GRID2: variants seen among roughly 807,000 people sequenced by gnomAD.
The protein encoded by GRID2 is glutamate ionotropic receptor delta type subunit 2.
A neutral mutation model predicts 114.8 loss-of-function variants in GRID2; 33 were observed. The observed-to-expected ratio is 0.29, with a 90% CI of 0.22 to 0.38. The LOEUF is 0.38. GRID2 is among the 10% of genes least tolerant of loss of function. The probability of loss-of-function intolerance (pLI) is 1.00; values close to 1 mark genes in which losing one functional copy is unlikely to be tolerated. For synonymous variants in GRID2, 505 were observed against 449.9 expected (o/e 1.12, Z -1.55); for missense variants, 1,184 against 1,257.7 (o/e 0.94, Z 0.89).
At chr4:92,790,587 G>C (rs1227567054) in intron 2 of GRID2, among the ~76,000 whole-genome samples, 1 of 151,286 alleles carries the variant, frequency 6.6e-6, no homozygotes, top group East Asian at 2.0e-4. Context: ...AGCTAATTTT[G>C]TTTATTTTTT....
At chr4:93,056,209 A>T (rs1376921860) in intron 2 of GRID2, among the ~76,000 whole-genome samples, 1 of 151,956 alleles carries the variant, frequency 6.6e-6, no homozygotes, top group Non-Finnish European at 1.5e-5. Context: ...AAAGAAACAT[A>T]TGTTCGAGTT....
At chr4:93,771,681 C>A (rs527262980) in intron 15 of GRID2, among the ~76,000 whole-genome samples, 2 of 151,990 alleles carry the variant, frequency 1.3e-5, no homozygotes, top group Non-Finnish European at 2.9e-5. Context: ...TGGAATGAGA[C>A]GCCCTGAAAA....
At chr4:93,574,030 T>C (rs1433023464) in intron 13 of GRID2, among the ~76,000 whole-genome samples, 1 of 152,172 alleles carries the variant, frequency 6.6e-6, no homozygotes, top group Non-Finnish European at 1.5e-5. Context: ...TAATCATTGA[T>C]AGAGGGTAGA....
chr4:92,850,508 A>G (rs1249330343), intron 2 of GRID2, among the ~76,000 whole-genome samples: 1 of 151,938 alleles, frequency 6.6e-6, no homozygotes, highest in Non-Finnish European at 1.5e-5. Context: ...TGCAGTGTTC[A>G]TACATAAACT....
At chr4:93,668,473 A>G (rs1724131893) in intron 14 of GRID2, among the ~76,000 whole-genome samples, 1 of 151,868 alleles carries the variant, frequency 6.6e-6, no homozygotes, top group Non-Finnish European at 1.5e-5. Context: ...TTCAAATGCA[A>G]TTTATTTCAG....
intron 2 of GRID2, among the ~76,000 whole-genome samples, chr4:92,994,375 G>A (rs981035374): frequency 1.3e-5 from 2 of 152,026 alleles, no homozygotes; most frequent in Admixed American, 6.6e-5. Flanking sequence ...GTTTTGAGAC[G>A]GAGTTTTGCT....
intron 14 of GRID2, among the ~76,000 whole-genome samples, chr4:93,667,833 T>A (rs1376296648): frequency 6.6e-6 from 1 of 152,054 alleles, no homozygotes; most frequent in Non-Finnish European, 1.5e-5. Flanking sequence ...TTGTTCAAAT[T>A]CGCCATGTGA....
chr4:93,524,345 C>T (rs965395944), intron 13 of GRID2, among the ~76,000 whole-genome samples: 2 of 151,890 alleles, frequency 1.3e-5, no homozygotes, highest in African/African-American at 2.4e-5. Context: ...CTGAGAGCTC[C>T]GATACCACTG....
intron 2 of GRID2, among the ~76,000 whole-genome samples, chr4:92,802,276 A>G (rs1421755693): frequency 6.6e-6 from 1 of 151,898 alleles, no homozygotes. Flanking sequence ...GTTAAAATTG[A>G]TGTACTTACA....
rs978369772 is a variant in GRID2, at chr4:93,250,642, A to G, written c.1245+12152A>G. 2.2e-4 allele frequency among the ~76,000 whole-genome samples: 3 copies of G among 13,354 alleles called. No homozygotes were observed. The African/African-American group carries it at 3.0e-3, about 13-fold the overall frequency. 8.8% of individuals were successfully genotyped at this position (13,354 alleles called of 152,430 possible). A position where few individuals can be genotyped will look rare whatever the true frequency, so the allele number is the denominator to read the frequency against. On this transcript the variant is annotated intron_variant, in intron 8 of 15. Transcript: ENST00000282020. ...AACTTTTCTACTGAAATCATTACAT[A>G]TATATATATATATTTTATATATTTA...
chr4:92,792,330 T>C (rs902677483), intron 2 of GRID2, among the ~76,000 whole-genome samples: 5 of 151,762 alleles, frequency 3.3e-5, no homozygotes, highest in East Asian at 1.9e-4. Context: ...AGTTAGCTTT[T>C]GCCTCTTCCC....
chr4:93,793,565 G>A (rs1734738367), intron 1 of GRID2, among the ~76,000 whole-genome samples: 1 of 152,106 alleles, frequency 6.6e-6, no homozygotes, highest in Non-Finnish European at 1.5e-5. Flanking sequence ...ATGCTTGTCT[G>A]TAATTTAACA....
At chr4:92,905,125 A>C (rs2149484584) in intron 2 of GRID2, among the ~76,000 whole-genome samples, 1 of 152,166 alleles carries the variant, frequency 6.6e-6, no homozygotes, top group African/African-American at 2.4e-5. Flanking sequence ...TAATTAAGAA[A>C]TGATATTTAT....
At chr4:93,579,057 T>C (rs1736718793) in intron 13 of GRID2, among the ~76,000 whole-genome samples, 1 of 152,234 alleles carries the variant, frequency 6.6e-6, no homozygotes, top group African/African-American at 2.4e-5. Flanking sequence ...AATCAATTTT[T>C]TTTTTATTCT....
At chr4:92,387,710 T>C (rs74670140) in intron 1 of GRID2, among the ~76,000 whole-genome samples, 9,675 of 152,064 alleles carry the variant, frequency 0.064, 362 homozygotes, top group Non-Finnish European at 0.088. Context: ...AAGCCATTAC[T>C]AGAACAAGGA....
intron 2 of GRID2, among the ~76,000 whole-genome samples, chr4:92,892,737 T>C (rs1746876743): frequency 6.6e-6 from 1 of 152,186 alleles, no homozygotes; most frequent in Admixed American, 6.5e-5. Context: ...TGGGAACACA[T>C]AATTTTTAAA....
At chr4:92,333,790 A>G (rs1727021261) in intron 1 of GRID2, among the ~76,000 whole-genome samples, 1 of 152,176 alleles carries the variant, frequency 6.6e-6, no homozygotes, top group African/African-American at 2.4e-5. Context: ...GCTGAAGTGC[A>G]GTGGCATGAT....
At chr4:92,417,927 G>A (rs1560617581) in intron 1 of GRID2, among the ~76,000 whole-genome samples, 1 of 152,130 alleles carries the variant, frequency 6.6e-6, no homozygotes, top group Non-Finnish European at 1.5e-5. Flanking sequence ...CTGCCACTAT[G>A]TAAGATGTGA....
chr4:93,747,017 C>G (rs369177493), intron 14 of GRID2, among the ~76,000 whole-genome samples: 2 of 152,032 alleles, frequency 1.3e-5, no homozygotes, highest in East Asian at 3.9e-4. Flanking sequence ...TCCAAAGCTA[C>G]ATCTAGCAAA....
Sources: gnomAD v4.1 joint callset for allele counts (sites outside exome capture counted in the v4.1 genomes callset) on GRCh38, gnomAD v4.1.1 for gene constraint, MANE v1.5 for transcripts, NCBI Gene and HGNC (gene_info 2026-07-23, HGNC 2026-07-21) for gene names.